The following BCAP29 variants were observed in gnomAD, a reference collection of about 807,000 sequenced individuals.
The protein encoded by BCAP29 is B-cell receptor-associated protein 29.
Under a neutral mutation model 31.8 loss-of-function variants are expected in BCAP29, and 34 were observed. That is an observed-to-expected ratio of 1.07 (90% CI 0.81 to 1.42). BCAP29 has a LOEUF of 1.42. BCAP29 is among the 40% of genes most tolerant of loss of function. The pLI, the probability that BCAP29 is intolerant of heterozygous loss-of-function variation, is 0.00. For missense variants in BCAP29, 314 were observed against 269.2 expected (o/e 1.17, Z -1.16); for synonymous variants, 104 against 91.3 (o/e 1.14, Z -0.79).
chr7:107,599,909 A>G (rs1044710636), intron 5 of BCAP29, among the ~76,000 whole-genome samples: 1 of 152,188 alleles, frequency 6.6e-6, no homozygotes, highest in African/African-American at 2.4e-5. Context: ...AGAACTTTCC[A>G]GCTGTAGAAA....
chr7:107,623,237 G>A (rs936914016), downstream of BCAP29: 2 of 152,136 alleles, frequency 1.3e-5, no homozygotes, highest in African/African-American at 4.8e-5. Context: ...CCATAAATAT[G>A]TTTGTCCTAT....
Position 107,585,720 on chromosome 7 carries a change from C to T in BCAP29, c.193+1738C>T, listed in dbSNP as rs540471428. 9.2e-5 allele frequency among the ~76,000 whole-genome samples: 14 copies of T among 152,216 alleles called. No individual in the cohort carries two copies. In the South Asian group the frequency reaches 2.3e-3, roughly 25 times the overall value. On this transcript the variant is annotated intron_variant, in intron 3 of 7. Transcript: ENST00000005259. ...TAGAAACAAACTTGGCCGGGCGCGG[C>T]GGCTCACCTCTGTAATCTCAGCACT...
chr7:107,609,976 C>T (rs1389489353), intron 6 of BCAP29, among the ~76,000 whole-genome samples: 1 of 152,220 alleles, frequency 6.6e-6, no homozygotes, highest in Non-Finnish European at 1.5e-5. Context: ...CCTGGCAGAG[C>T]TTTACTGGCA....
chr7:107,615,503 G>C, intron 7 of BCAP29: 1 of 335,858 alleles, frequency 3.0e-6, no homozygotes, highest in Non-Finnish European at 5.9e-6. Flanking sequence ...GGCTGAGGCA[G>C]GAGAATCACT....
chr7:107,589,294 T>A (rs887154153), intron 3 of BCAP29, among the ~76,000 whole-genome samples: 3 of 152,160 alleles, frequency 2.0e-5, no homozygotes, highest in African/African-American at 7.2e-5. Flanking sequence ...TATTATTACA[T>A]TGTAATATAT....
chr7:107,603,073 C>T (rs1181630792), intron 6 of BCAP29, among the ~76,000 whole-genome samples: 1 of 148,450 alleles, frequency 6.7e-6, no homozygotes, highest in East Asian at 2.0e-4. Context: ...GGGTTCACGC[C>T]ATTCTCCAGC....
At chr7:107,586,269 G>A (rs1807663362) in intron 3 of BCAP29, among the ~76,000 whole-genome samples, 1 of 152,074 alleles carries the variant, frequency 6.6e-6, no homozygotes, top group African/African-American at 2.4e-5. Flanking sequence ...ACGTATGCAA[G>A]GGTTAATTCA....
intron 3 of BCAP29, chr7:107,587,811 G>C (rs1807986074): frequency 6.6e-6 from 1 of 151,356 alleles, no homozygotes; most frequent in African/African-American, 2.4e-5. Flanking sequence ...TTATCAAAAA[G>C]GACCCCTATT....
chr7:107,617,382 TC>T (rs1341786115), intron 7 of BCAP29, among the ~76,000 whole-genome samples: 1 of 152,100 alleles, frequency 6.6e-6, no homozygotes, highest in African/African-American at 2.4e-5. Flanking sequence ...CCCCATCTGG[TC>T]CCCTCCCTGT....
downstream of BCAP29, chr7:107,621,348 G>T: frequency 1.1e-5 from 2 of 176,572 alleles, no homozygotes; most frequent in Non-Finnish European, 2.4e-5. Flanking sequence ...ACATTTCTTT[G>T]CTGAACGGCA....
chr7:107,622,003 C>G, downstream of BCAP29: 1 of 464,286 alleles, frequency 2.2e-6, no homozygotes, highest in Non-Finnish European at 4.4e-6. Flanking sequence ...CTCCGTCTTC[C>G]CCATTAGCCA....
At chr7:107,604,455 T>C (rs548294306) in intron 6 of BCAP29, among the ~76,000 whole-genome samples, 1 of 152,286 alleles carries the variant, frequency 6.6e-6, no homozygotes, top group Non-Finnish European at 1.5e-5. Flanking sequence ...AAGCTTTGTA[T>C]ACAAGTTTAA....
intron 6 of BCAP29, among the ~76,000 whole-genome samples, chr7:107,609,512 T>C (rs745601258): frequency 2.3e-4 from 35 of 152,294 alleles, no homozygotes; most frequent in Middle Eastern, 6.8e-3. Flanking sequence ...TTAACAGCTA[T>C]CAACAAACTT....
intron 3 of BCAP29, among the ~76,000 whole-genome samples, chr7:107,586,454 A>G (rs547439387): frequency 3.1e-4 from 47 of 152,294 alleles, no homozygotes; most frequent in Middle Eastern, 6.8e-3. Context: ...CAAGGACATC[A>G]TGGATAGTTA....
intron 3 of BCAP29, among the ~76,000 whole-genome samples, chr7:107,593,624 T>A (rs775530368): frequency 3.9e-5 from 6 of 152,244 alleles, no homozygotes; most frequent in Non-Finnish European, 7.3e-5. Context: ...GTCAATAGGC[T>A]GAATTTTAGT....
intron 3 of BCAP29, among the ~76,000 whole-genome samples, chr7:107,593,694 C>T (rs986007288): frequency 2.6e-5 from 4 of 151,992 alleles, no homozygotes; most frequent in Admixed American, 2.6e-4. Context: ...AGATGAGAAA[C>T]AATAAAATGA....
downstream of BCAP29, chr7:107,621,952 G>A (rs1208265051): frequency 1.9e-6 from 1 of 518,850 alleles, no homozygotes; most frequent in Non-Finnish European, 4.0e-6. Flanking sequence ...GGCCTGAACT[G>A]AATTTCAAGG....
At chr7:107,610,682 A>C (rs931953415) in intron 6 of BCAP29, among the ~76,000 whole-genome samples, 1 of 152,178 alleles carries the variant, frequency 6.6e-6, no homozygotes, top group African/African-American at 2.4e-5. Flanking sequence ...GTGGCAGAAA[A>C]ACAGTATTTG....
chr7:107,602,111 A>G (rs962370491), intron 6 of BCAP29, among the ~76,000 whole-genome samples: 2 of 152,344 alleles, frequency 1.3e-5, no homozygotes, highest in Middle Eastern at 3.4e-3. Context: ...ATAACAACTG[A>G]TACCAGCTTC....
Sources: gnomAD v4.1 joint callset for allele counts (sites outside exome capture counted in the v4.1 genomes callset) on GRCh38, gnomAD v4.1.1 for gene constraint, MANE v1.5 for transcripts, NCBI Gene and HGNC (gene_info 2026-07-23, HGNC 2026-07-21) for gene names.